BMPR1B: variants seen among roughly 807,000 people sequenced by gnomAD.
BMPR1B encodes bone morphogenetic protein receptor type 1B.
A neutral mutation model predicts 59.1 loss-of-function variants in BMPR1B; 12 were observed. That is an observed-to-expected ratio of 0.20 (90% confidence interval 0.13 to 0.33). The LOEUF is 0.33. Ranked by LOEUF, BMPR1B falls within the 10% of genes least tolerant of loss-of-function variation. The pLI, the probability that BMPR1B is intolerant of heterozygous loss-of-function variation, is 1.00. For missense variants in BMPR1B, 550 were observed against 610.9 expected (o/e 0.90, Z 1.05); for synonymous variants, 237 against 207.3 (o/e 1.14, Z -1.23).
chr4:95,136,665 C>G (rs1040167103), intron 10 of BMPR1B, among the ~76,000 whole-genome samples: 31 of 152,100 alleles, frequency 2.0e-4, no homozygotes, highest in African/African-American at 7.0e-4. Context: ...AGGAATTTAT[C>G]CATTTCTTCT....
Position 94,950,369 on chromosome 4 carries a change from C to T in BMPR1B, c.-112-45671C>T, listed in dbSNP as rs1308818087. ...TTAGTCATGAAGTCTTCGCCCATGC[C>T]TATGTCCTGAATGGTATTGCCTAGG... On this transcript the variant is annotated intron_variant, in intron 2 of 12. Coordinates refer to ENST00000515059, the MANE Select transcript of BMPR1B (RefSeq NM_001203.3). Among the ~76,000 whole-genome samples the T allele has an allele frequency of 2.0e-5, 3 of 152,096 alleles. No homozygotes were observed. In the East Asian group the frequency reaches 5.8e-4, roughly 29 times the overall value.
intron 1 of BMPR1B, among the ~76,000 whole-genome samples, chr4:94,844,600 A>T (rs572171251): frequency 6.6e-6 from 1 of 152,272 alleles, no homozygotes; most frequent in East Asian, 1.9e-4. Flanking sequence ...AGCCTGAAGC[A>T]GAAGACCGGA....
intron 1 of BMPR1B, among the ~76,000 whole-genome samples, chr4:94,843,760 G>T (rs1725196909): frequency 6.6e-6 from 1 of 152,076 alleles, no homozygotes; most frequent in African/African-American, 2.4e-5. Flanking sequence ...AGCAATAATG[G>T]GGTGAAAAGC....
intron 3 of BMPR1B, among the ~76,000 whole-genome samples, chr4:95,079,966 A>C (rs149379130): frequency 2.1e-3 from 315 of 152,210 alleles, no homozygotes; most frequent in Admixed American, 6.0e-3. Flanking sequence ...CTTTTCCCAA[A>C]TATTTGCCAA....
intron 1 of BMPR1B, among the ~76,000 whole-genome samples, chr4:94,776,096 AG>A (rs1254725321): frequency 5.8e-4 from 66 of 114,020 alleles, no homozygotes; most frequent in African/African-American, 2.1e-3. Context: ...TCTCAAAAAA[AG>A]AAAAAAAAAA....
rs143863544 is a variant in BMPR1B at position 94,812,038 on chromosome 4, C to T, written c.-183+53970C>T. 2.2e-3 allele frequency among the ~76,000 whole-genome samples: 335 copies of T among 152,224 alleles called. 2 individuals carry two copies. The highest frequency in any genetic ancestry group is 7.8e-3 in the African/African-American group (326 of 41,546). On this transcript the variant is annotated intron_variant, in intron 1 of 12. Coordinates refer to ENST00000515059, the MANE Select transcript of BMPR1B (RefSeq NM_001203.3). Reference sequence around the variant, plus strand: ...GTTGTAGAAATGATAGAAACAATATCTAGAGAATGTTTGAAGACTTTTTCT... The same window carrying T: ...GTTGTAGAAATGATAGAAACAATATTTAGAGAATGTTTGAAGACTTTTTCT...
chr4:94,982,836 T>C (rs1471441064), intron 2 of BMPR1B, among the ~76,000 whole-genome samples: 1 of 151,816 alleles, frequency 6.6e-6, no homozygotes. Context: ...ATACAAAAAA[T>C]TAGCCAGGTG....
chr4:94,903,315 G>T (rs1198824108), intron 2 of BMPR1B, among the ~76,000 whole-genome samples: 1 of 151,778 alleles, frequency 6.6e-6, no homozygotes, highest in Non-Finnish European at 1.5e-5. Flanking sequence ...TTTAGTATTC[G>T]ATCAGACAGA....
intron 3 of BMPR1B, among the ~76,000 whole-genome samples, chr4:95,101,417 G>C (rs564739604): frequency 1.3e-5 from 2 of 152,126 alleles, no homozygotes; most frequent in African/African-American, 2.4e-5. Flanking sequence ...TACTGCTAGC[G>C]TGTAGGGAAT....
At chr4:94,858,916 C>T (rs943458675) in intron 1 of BMPR1B, among the ~76,000 whole-genome samples, 1 of 152,128 alleles carries the variant, frequency 6.6e-6, no homozygotes, top group African/African-American at 2.4e-5. Context: ...AGATTAAGTC[C>T]AAAGGAATTT....
intron 1 of BMPR1B, among the ~76,000 whole-genome samples, chr4:94,857,310 C>T (rs1422171019): frequency 2.0e-5 from 3 of 152,128 alleles, no homozygotes; most frequent in Non-Finnish European, 2.9e-5. Flanking sequence ...GATACAAGTT[C>T]AGTGAAAAGG....
In BMPR1B at chr4:95,131,257, A is replaced by G; in HGVS notation, c.821A>G (p.Gln274Arg). The part of the protein sequence containing the change: ...ADIKGTGSWT[Q>R]LYLITDYHEN... ...ATCAAAGGGACAGGGTCCTGGACCC[A>G]GTTGTACCTAATCACAGACTATCAT... The change falls in exon 10 of 13, where the codon CAG becomes CGG. Residue 274 changes from glutamine to arginine, a missense_variant. This residue lies in a region of BMPR1B where 318 missense variants were observed against 284.6 expected (regional missense o/e 1.12). Coordinates refer to ENST00000515059, the MANE Select transcript of BMPR1B (RefSeq NM_001203.3). The G allele has an allele frequency of 6.2e-7, 1 of 1,613,958 alleles. No homozygotes were observed. Among genetic ancestry groups the G allele is most frequent in the South Asian group, 1.1e-5 (1 of 91,068 alleles).
chr4:94,906,300 T>G (rs1728038150), intron 2 of BMPR1B, among the ~76,000 whole-genome samples: 1 of 152,070 alleles, frequency 6.6e-6, no homozygotes, highest in Non-Finnish European at 1.5e-5. Flanking sequence ...AAATTAAAAT[T>G]AAAACCATTT....
chr4:95,154,956 G>T lies in BMPR1B; in HGVS notation c.*283G>T. 1.6e-5 allele frequency: 6 copies of T among 365,000 alleles called. No individual in the cohort carries two copies. The highest frequency in any genetic ancestry group is 5.5e-5 in the East Asian group (1 of 18,080). The allele number at this position is 365,000 out of a possible 1,614,324, so 22.6% of individuals were successfully genotyped here. ...TTTCTAAGAAAGCCCTGTATTTTGT[G>T]ATTGCCTTTTTTTTTTTTTAAGATG... On this transcript the variant is annotated 3_prime_UTR_variant, in exon 13 of 13. Coordinates refer to ENST00000515059, the MANE Select transcript of BMPR1B (RefSeq NM_001203.3).
chr4:94,837,867 C>T (rs1427970828), intron 1 of BMPR1B, among the ~76,000 whole-genome samples: 3 of 143,124 alleles, frequency 2.1e-5, no homozygotes, highest in Non-Finnish European at 4.6e-5. Context: ...CCAGTTTTTG[C>T]CCATTGAGTA....
chr4:94,792,262 C>T (rs72885830), intron 1 of BMPR1B, among the ~76,000 whole-genome samples: 6,509 of 152,110 alleles, frequency 0.043, 365 homozygotes, highest in African/African-American at 0.13. Flanking sequence ...TTAAAAAACT[C>T]TTCTTTCTTA....
intron 1 of BMPR1B, among the ~76,000 whole-genome samples, chr4:94,866,654 G>A (rs777891281): frequency 1.8e-4 from 28 of 152,034 alleles, no homozygotes; most frequent in African/African-American, 6.5e-4. Context: ...GCATGATCTC[G>A]GCTTACTGCA....
At chr4:94,967,094 T>C (rs1471945970) in intron 2 of BMPR1B, among the ~76,000 whole-genome samples, 5 of 152,176 alleles carry the variant, frequency 3.3e-5, no homozygotes, top group Non-Finnish European at 7.3e-5. Flanking sequence ...TATGACAAAA[T>C]ATATCCAAAG....
In BMPR1B at chr4:95,131,232, A is replaced by G. The variant is rs1267095165; in HGVS notation, c.796A>G (p.Ile266Val). The change falls in exon 10 of 13, where the codon ATC (isoleucine) becomes GTC (valine). Residue 266 changes from isoleucine to valine, a missense_variant. Ile to Val is a conservative substitution (Grantham distance 29). Transcript: ENST00000515059. ...CCTTTTAGGTTTCATTGCTGCAGAT[A>G]TCAAAGGGACAGGGTCCTGGACCCA... Reference protein sequence around the residue: ...ENILGFIAADIKGTGSWTQLY... With the variant: ...ENILGFIAADVKGTGSWTQLY... 11 of 1,613,918 alleles carry G rather than the reference A, an allele frequency of 6.8e-6. No homozygotes were observed. Among genetic ancestry groups the G allele is most frequent in the Admixed American group, 1.7e-5 (1 of 59,940 alleles).
Sources: gnomAD v4.1 joint callset for allele counts (sites outside exome capture counted in the v4.1 genomes callset) on GRCh38, gnomAD v4.1.1 for gene constraint, gnomAD v4.1.1 regional missense constraint, MANE v1.5 for transcripts, NCBI Gene and HGNC (gene_info 2026-07-23, HGNC 2026-07-21) for gene names.